The following SCAP variants were observed in gnomAD, a reference collection of about 807,000 sequenced individuals.
The protein encoded by SCAP is sterol regulatory element-binding protein cleavage-activating protein.
In SCAP, 65 loss-of-function variants were observed where a neutral mutation model predicts 123.6. The ratio of observed to expected loss-of-function variants is 0.53; its 90% CI spans 0.43 to 0.65. The LOEUF (loss-of-function observed/expected upper bound fraction) is 0.65. Ranked by LOEUF, SCAP falls within the 30% of genes least tolerant of loss-of-function variation. The pLI, the probability that SCAP is intolerant of heterozygous loss-of-function variation, is 0.00. For synonymous variants in SCAP, 740 were observed against 726.3 expected (o/e 1.02, Z -0.30); for missense variants, 1,398 against 1,712.5 (o/e 0.82, Z 3.24).
At chr3:47,465,733 C>T (rs1214689291) in intron 1 of SCAP, among the ~76,000 whole-genome samples, 1 of 150,594 alleles carries the variant, frequency 6.6e-6, no homozygotes, top group Non-Finnish European at 1.5e-5. Context: ...TGCGCCAATG[C>T]ATTCCAGCCT....
At chr3:47,427,024 A>G (rs987727046) in intron 6 of SCAP, 133 bp downstream of exon 6, 1 of 687,244 alleles carries the variant, frequency 1.5e-6, no homozygotes, top group African/African-American at 1.8e-5. Context: ...GGATGTAAAC[A>G]TTCAACAGGA....
At chr3:47,418,930 CCAGG>C (rs1705770214) in intron 13 of SCAP, 87 bp from the exon 14 acceptor site, 9 of 1,340,568 alleles carry the variant, frequency 6.7e-6, no homozygotes, top group East Asian at 2.6e-5. Flanking sequence ...TCCCTCCTCC[CCAGG>C]CAGGCCTCAG....
chr3:47,454,528 A>C (rs1707343073), intron 1 of SCAP, among the ~76,000 whole-genome samples: 1 of 151,744 alleles, frequency 6.6e-6, no homozygotes, highest in South Asian at 2.1e-4. Flanking sequence ...GGAGTTCGAG[A>C]CCAGCCTGGC....
intron 3 of SCAP, 64 bp downstream of exon 3, chr3:47,434,944 C>T: frequency 6.2e-7 from 1 of 1,605,800 alleles, no homozygotes; most frequent in Non-Finnish European, 8.5e-7. Flanking sequence ...ACTGGCAGAC[C>T]CCTGCCTCAG....
chr3:47,456,974 G>T (rs573042651), intron 1 of SCAP, among the ~76,000 whole-genome samples: 2 of 152,158 alleles, frequency 1.3e-5, no homozygotes, highest in Admixed American at 6.6e-5. Context: ...ATCACCTGAG[G>T]TCAGGAGTTC....
intron 1 of SCAP, among the ~76,000 whole-genome samples, chr3:47,456,851 A>G (rs538246428): frequency 5.9e-4 from 90 of 152,250 alleles, no homozygotes; most frequent in Middle Eastern, 6.8e-3. Flanking sequence ...AAGGTGCTAA[A>G]TTCCCGCGTA....
At position 47,419,155 on chromosome 3, in the gene SCAP, C is replaced by T. The variant is rs1705780630; in HGVS notation, c.1940+173G>A. Among the ~76,000 whole-genome samples, 1 of 152,220 alleles carries T rather than the reference C, an allele frequency of 6.6e-6. No homozygotes were observed. Reference sequence around the variant, plus strand: ...GCCACCAGTGACTCCTCAGAGCAACCTGGGACTCCTCTCTTGGGTTATAGC... The same window carrying T: ...GCCACCAGTGACTCCTCAGAGCAACTTGGGACTCCTCTCTTGGGTTATAGC... On this transcript the variant is annotated intron_variant, in intron 13 of 22. Coordinates refer to ENST00000265565, the MANE Select transcript of SCAP (RefSeq NM_012235.4). The surrounding 1 kb of genome is among the most constrained non-coding windows in gnomAD (Gnocchi z 5.0).
At chr3:47,414,443 T>A in intron 21 of SCAP, 57 bp from the exon 22 acceptor site, 2 of 1,597,212 alleles carry the variant, frequency 1.3e-6, no homozygotes, top group Non-Finnish European at 1.7e-6. Flanking sequence ...CTGTCAACAG[T>A]GGTGTCCCTG....
rs753272809 is a variant in SCAP, at chr3:47,415,217, T to C, written c.3057-37A>G. The C allele has an allele frequency of 1.5e-5, 24 of 1,573,958 alleles. No homozygotes were observed. In the South Asian group the frequency reaches 2.4e-4, roughly 16 times the overall value. ...GAACAGCTGCCAGGGGCCTCTCCCT[T>C]AGAGCCCCAGCCCTGGGGCTGAGCA... On this transcript the variant is annotated intron_variant, in intron 18 of 22. Transcript: ENST00000265565.
At chr3:47,426,676 A>G (rs1310380386) in intron 6 of SCAP, among the ~76,000 whole-genome samples, 1 of 152,082 alleles carries the variant, frequency 6.6e-6, no homozygotes, top group Non-Finnish European at 1.5e-5. Context: ...TGACCTCATG[A>G]TCCGCCTGCC....
rs757023566 is a variant in SCAP, at chr3:47,417,391, G to A, written c.2883C>T (p.Ala961=). The A allele has an allele frequency of 6.3e-7, 1 of 1,594,056 alleles. No homozygotes were observed. The highest frequency in any genetic ancestry group is 8.5e-7 in the Non-Finnish European group (1 of 1,171,528). Residue 961 remains alanine, a synonymous_variant, in exon 17 of 23, where the codon GCC becomes GCT. Coordinates refer to ENST00000265565, the MANE Select transcript of SCAP (RefSeq NM_012235.4). ...TGGAACCCTCGGCACTGGGGGCCCA[G>A]GCGAGGGAAGGGGAGCCTTTCTCGG... ...GSPEKGSPSL[A]WAPSAEGSIW... is the part of the protein sequence containing the mutation.
chr3:47,424,602 G>A (rs556434225), intron 8 of SCAP, among the ~76,000 whole-genome samples: 3 of 152,330 alleles, frequency 2.0e-5, no homozygotes, highest in Non-Finnish European at 2.9e-5. Flanking sequence ...GTCTATGTGC[G>A]AGGAACGCCA....
At chr3:47,465,682 T>A (rs1707797600) in intron 1 of SCAP, among the ~76,000 whole-genome samples, 1 of 151,748 alleles carries the variant, frequency 6.6e-6, no homozygotes, top group African/African-American at 2.4e-5. Flanking sequence ...GGTGGGAGGA[T>A]CACTTGAGCC....
At chr3:47,435,541 C>G (rs184666237) in intron 2 of SCAP, among the ~76,000 whole-genome samples, 14 of 150,012 alleles carry the variant, frequency 9.3e-5, no homozygotes, top group African/African-American at 3.0e-4. Context: ...CCTGCCACTA[C>G]ATCCAGGTAA....
In SCAP at chr3:47,444,787, C is replaced by CT. The variant is rs111695253; in HGVS notation, c.-98-1697dup. Reference sequence around the variant, plus strand: ...ACCACACCCGGCCAGTACTTCATTACTTTTTTTTTTTTGAGATGGGGTTGC... The same window carrying CT: ...ACCACACCCGGCCAGTACTTCATTACTTTTTTTTTTTTTGAGATGGGGTTGC... On this transcript the variant is annotated intron_variant, in intron 1 of 22. Coordinates refer to ENST00000265565, the MANE Select transcript of SCAP (RefSeq NM_012235.4). Among the ~76,000 whole-genome samples, 157 of 133,300 alleles carry CT rather than the reference C, an allele frequency of 1.2e-3. 1 individual carries two copies. The highest frequency in any genetic ancestry group is 1.3e-3 in the Non-Finnish European group (81 of 61,868). The allele number at this position is 133,300 out of a possible 152,430, so 87.4% of individuals were successfully genotyped here.
Position 47,456,041 on chromosome 3 carries a change from G to A in SCAP, c.-98-12950C>T, listed in dbSNP as rs146631919. ...AACAAGTAGGAGAAAGATTAATTGC[G>A]CAACAAAAGGTGTTGCAACAAATGG... On this transcript the variant is annotated intron_variant, in intron 1 of 22. Transcript: ENST00000265565. 1.1e-3 allele frequency among the ~76,000 whole-genome samples: 167 copies of A among 152,268 alleles called. 2 individuals carry two copies. In the East Asian group the frequency reaches 0.023, roughly 21 times the overall value.
At position 47,465,075 on chromosome 3, in the gene SCAP, CAT is replaced by C. The variant is rs199503791; in HGVS notation, c.-99+10722_-99+10723del. The stretch of plus-strand genomic sequence containing the variant: ...AAATTTAAGCAAGGGAGACAAAAGA[CAT>C]AAACTGAAACATTGCTGAAACAAAT... On this transcript the variant is annotated intron_variant, in intron 1 of 22. Coordinates refer to ENST00000265565, the MANE Select transcript of SCAP (RefSeq NM_012235.4). Among the ~76,000 whole-genome samples, 296 of 151,794 alleles carry C rather than the reference CAT, an allele frequency of 2.0e-3. 7 individuals carry two copies. The highest frequency in any genetic ancestry group is 0.016 in the Admixed American group (247 of 15,254).
At chr3:47,441,874 C>CTTTTTTTTTTTTTTTT (rs1160447716) in intron 2 of SCAP, among the ~76,000 whole-genome samples, 7 of 76,408 alleles carry the variant, frequency 9.2e-5, no homozygotes, top group African/African-American at 1.6e-4. Context: ...GTTCATCTTT[C>CTTTTTTTTTTTTTTTT]TTTTTTTTTT....
chr3:47,444,456 T>C (rs1255243340), intron 1 of SCAP, among the ~76,000 whole-genome samples: 1 of 152,212 alleles, frequency 6.6e-6, no homozygotes, highest in Non-Finnish European at 1.5e-5. Context: ...TAAGCGCACA[T>C]GCAAGTTTCC....
Sources: allele counts gnomAD v4.1 joint callset (sites outside exome capture counted in the v4.1 genomes callset), GRCh38; gene constraint gnomAD v4.1.1; non-coding constraint Gnocchi (gnomAD v3.1); transcripts MANE v1.5; gene names NCBI Gene and HGNC (gene_info 2026-07-23, HGNC 2026-07-21).